Variants in KLHL1 observed in about 807,000 individuals in gnomAD.
KLHL1 encodes the protein kelch like family member 1.
KLHL1 carries 47 observed loss-of-function variants against 77.7 expected under a neutral mutation model. The observed-to-expected ratio is 0.60, with a 90% confidence interval of 0.48 to 0.77. The LOEUF (loss-of-function observed/expected upper bound fraction) is 0.77, where lower values mean the gene tolerates loss of function less well. Ranked by LOEUF, KLHL1 falls within the 30% of genes least tolerant of loss-of-function variation. KLHL1 has a pLI of 0.00. For synonymous variants in KLHL1, 360 were observed against 325.2 expected (o/e 1.11, Z -1.15); for missense variants, 925 against 910.8 (o/e 1.02, Z -0.20).
At chr13:69,821,385 G>A (rs1021191613) in intron 6 of KLHL1, among the ~76,000 whole-genome samples, 3 of 152,032 alleles carry the variant, frequency 2.0e-5, no homozygotes, top group African/African-American at 4.8e-5. Flanking sequence ...CCTGATCTTG[G>A]CTCACTACAA....
intron 1 of KLHL1, among the ~76,000 whole-genome samples, chr13:69,997,566 A>C (rs915864317): frequency 6.6e-6 from 1 of 150,878 alleles, no homozygotes; most frequent in Non-Finnish European, 1.5e-5. Flanking sequence ...GTACTTGTCC[A>C]TCTGTGACTG....
intron 4 of KLHL1, among the ~76,000 whole-genome samples, chr13:69,892,569 C>G (rs927820836): frequency 6.6e-6 from 1 of 151,414 alleles, no homozygotes; most frequent in Non-Finnish European, 1.5e-5. Context: ...TCTGTACTTA[C>G]AGAAAATTGA....
chr13:69,927,897 A>G (rs574383750), intron 4 of KLHL1, among the ~76,000 whole-genome samples: 3 of 152,314 alleles, frequency 2.0e-5, no homozygotes, highest in African/African-American at 7.2e-5. Context: ...ATACACCCCC[A>G]AATGAAAATA....
intron 1 of KLHL1, among the ~76,000 whole-genome samples, chr13:70,021,003 T>C (rs917843065): frequency 4.6e-5 from 7 of 152,076 alleles, no homozygotes; most frequent in Non-Finnish European, 7.4e-5. Context: ...ATACATTCAC[T>C]ATAATTGGTG....
chr13:69,864,194 G>T (rs1212519779), intron 5 of KLHL1, among the ~76,000 whole-genome samples: 2 of 151,888 alleles, frequency 1.3e-5, no homozygotes, highest in Middle Eastern at 3.4e-3. Context: ...GTAAAAACTG[G>T]CATGGTCATA....
At position 69,700,647 on chromosome 13, in the gene KLHL1, A is replaced by G. The variant is rs1168536258; in HGVS notation, c.*1055T>C. The stretch of plus-strand genomic sequence containing the variant: ...TTGTAATTAAAATTTACATGGGCCT[A>G]TTTATTAAGGACATTGTGTAATGTT... On this transcript the variant is annotated 3_prime_UTR_variant, in exon 11 of 11. Transcript: ENST00000377844. The G allele has an allele frequency of 1.3e-5, 2 of 152,426 alleles. No homozygotes were observed. The highest frequency in any genetic ancestry group is 2.9e-5 in the Non-Finnish European group (2 of 67,890). The allele number at this position is 152,426 out of a possible 1,614,324, so 9.4% of individuals were successfully genotyped here.
intron 1 of KLHL1, among the ~76,000 whole-genome samples, chr13:69,978,714 C>T (rs934931811): frequency 3.3e-5 from 5 of 151,974 alleles, no homozygotes; most frequent in African/African-American, 4.8e-5. Context: ...CTTGAACTCC[C>T]GAACTCAGGT....
intron 2 of KLHL1, among the ~76,000 whole-genome samples, chr13:69,974,571 A>C (rs1884488038): frequency 6.6e-6 from 1 of 151,926 alleles, no homozygotes. Flanking sequence ...TATAGGAAAC[A>C]CCCATCTTTT....
At chr13:70,006,617 T>C (rs1885414175) in intron 1 of KLHL1, among the ~76,000 whole-genome samples, 1 of 151,874 alleles carries the variant, frequency 6.6e-6, no homozygotes, top group Admixed American at 6.6e-5. Flanking sequence ...TTAAGTGGCT[T>C]TTGTTCATCA....
Position 69,999,662 on chromosome 13 carries a change from G to A in KLHL1, c.498-23860C>T, listed in dbSNP as rs538723249. 2.0e-5 allele frequency among the ~76,000 whole-genome samples: 3 copies of A among 152,098 alleles called. No homozygotes were observed. In the South Asian group the frequency reaches 6.2e-4, roughly 32 times the overall value. On this transcript the variant is annotated intron_variant, in intron 1 of 10. Coordinates refer to ENST00000377844, the MANE Select transcript of KLHL1 (RefSeq NM_020866.3). ...GGAAACCAGGAGACTGACTGGGATG[G>A]CACCTAGCAATCCTATATCCAGTAA...
chr13:69,973,460 T>C lies in KLHL1; in HGVS notation c.680+2160A>G, dbSNP rs138473657. 1.9e-3 allele frequency among the ~76,000 whole-genome samples: 295 copies of C among 151,796 alleles called. 3 individuals carry two copies. The highest frequency in any genetic ancestry group is 6.9e-3 in the African/African-American group (285 of 41,512). On this transcript the variant is annotated intron_variant, in intron 2 of 10. Coordinates refer to ENST00000377844, the MANE Select transcript of KLHL1 (RefSeq NM_020866.3). ...TATAAATCTTCATAAAAATTATTTA[T>C]TTTTATATTATTTGATATTATTATA... is the stretch of plus-strand genomic sequence containing the variant.
At chr13:69,918,395 A>ACTCATATTT (rs1305290411) in intron 4 of KLHL1, among the ~76,000 whole-genome samples, 1 of 151,954 alleles carries the variant, frequency 6.6e-6, no homozygotes, top group Non-Finnish European at 1.5e-5. Context: ...CCAAAATAGT[A>ACTCATATTT]CTCATATTTC....
intron 4 of KLHL1, among the ~76,000 whole-genome samples, chr13:69,923,527 T>C (rs1247816689): frequency 2.0e-5 from 3 of 152,216 alleles, no homozygotes; most frequent in Non-Finnish European, 4.4e-5. Flanking sequence ...TTTATACTTA[T>C]TATTTTTAAA....
intron 1 of KLHL1, among the ~76,000 whole-genome samples, chr13:70,025,032 C>T (rs992919865): frequency 9.9e-5 from 15 of 152,052 alleles, no homozygotes; most frequent in East Asian, 3.9e-4. Flanking sequence ...TACTATATTT[C>T]GAATGCATAA....
At chr13:69,708,559 G>C in intron 9 of KLHL1, among the ~76,000 whole-genome samples, 1 of 152,076 alleles carries the variant, frequency 6.6e-6, no homozygotes, top group Non-Finnish European at 1.5e-5. Context: ...GTGAGGGAAA[G>C]ACTAGTAATT....
chr13:69,977,141 A>G (rs995764161), intron 1 of KLHL1, among the ~76,000 whole-genome samples: 2 of 152,122 alleles, frequency 1.3e-5, no homozygotes, highest in African/African-American at 2.4e-5. Context: ...TCTTATACAC[A>G]ATGCCTGGCA....
chr13:70,029,394 G>T lies in KLHL1; in HGVS notation c.498-53592C>A, dbSNP rs187394745. ...CTCCAACTTGATGAAGGTGAAGCCTGATATTTGAAATTTCAGATGTTAGCT... is the reference window on the plus strand; with the variant it reads ...CTCCAACTTGATGAAGGTGAAGCCTTATATTTGAAATTTCAGATGTTAGCT... On this transcript the variant is annotated intron_variant, in intron 1 of 10. Coordinates refer to ENST00000377844, the MANE Select transcript of KLHL1 (RefSeq NM_020866.3). 1.6e-3 allele frequency among the ~76,000 whole-genome samples: 246 copies of T among 152,310 alleles called. 1 individual carries two copies. The highest frequency in any genetic ancestry group is 5.6e-3 in the African/African-American group (234 of 41,580).
chr13:70,098,980 T>G, intron 1 of KLHL1, among the ~76,000 whole-genome samples: 1 of 151,988 alleles, frequency 6.6e-6, no homozygotes, highest in Middle Eastern at 3.4e-3. Context: ...TTTAATAAAT[T>G]TACTTTTTTT....
intron 1 of KLHL1, among the ~76,000 whole-genome samples, chr13:70,050,108 G>T (rs1399302181): frequency 6.6e-6 from 1 of 151,782 alleles, no homozygotes; most frequent in African/African-American, 2.4e-5. Flanking sequence ...TTGAGCAGAT[G>T]ACACTATAAA....
Sources: gnomAD v4.1 joint callset for allele counts (sites outside exome capture counted in the v4.1 genomes callset) on GRCh38, gnomAD v4.1.1 for gene constraint, MANE v1.5 for transcripts, NCBI Gene and HGNC (gene_info 2026-07-23, HGNC 2026-07-21) for gene names.